Variants in ZNF189 observed in about 807,000 individuals in gnomAD.
ZNF189 encodes zinc finger protein 189.
ZNF189 carries 33 observed loss-of-function variants against 53.5 expected under a neutral mutation model. The ratio of observed to expected loss-of-function variants is 0.62; its 90% CI spans 0.47 to 0.82. The LOEUF (loss-of-function observed/expected upper bound fraction) is 0.82. Among genes scored for constraint, ZNF189 ranks in the 40% least tolerant of loss-of-function variants. ZNF189 has a pLI of 0.00. For synonymous variants in ZNF189, 247 were observed against 238.8 expected (o/e 1.03, Z -0.32); for missense variants, 711 against 753.9 (o/e 0.94, Z 0.67).
intron 2 of ZNF189, among the ~76,000 whole-genome samples, chr9:101,406,807 G>A (rs3739719): frequency 0.29 from 44,364 of 152,024 alleles, 6,970 homozygotes; most frequent in Middle Eastern, 0.37. Flanking sequence ...TGTCCGAAGC[G>A]GGCCTAGATG....
chr9:101,408,943 G>A lies in ZNF189; in HGVS notation c.1175G>A (p.Arg392Lys). 1.2e-6 allele frequency: 2 copies of A among 1,614,020 alleles called. No homozygotes were observed. Among genetic ancestry groups the A allele is most frequent in the Non-Finnish European group, 1.7e-6 (2 of 1,179,988 alleles). ...CTTTGCAACCTTACTCGTCATCAGAGAATTCACACAGGAGACAAGCCCCAT... is the reference window on the plus strand; with the variant it reads ...CTTTGCAACCTTACTCGTCATCAGAAAATTCACACAGGAGACAAGCCCCAT... ...SQLCNLTRHQ[R>K]IHTGDKPHKC... Residue 392 changes from arginine (R) to lysine (K), a missense_variant, in exon 3 of 3, where the codon AGA becomes AAA. Coordinates refer to ENST00000339664, the MANE Select transcript of ZNF189 (RefSeq NM_003452.4).
Position 101,409,598 on chromosome 9 carries a change from C to A in ZNF189, c.1830C>A (p.Cys610Ter), listed in dbSNP as rs770328593. 1.4e-5 allele frequency: 23 copies of A among 1,612,766 alleles called. 1 individual carries two copies. In the Admixed American group the frequency reaches 3.7e-4, roughly 26 times the overall value. The change falls in exon 3 of 3, where the codon TGC becomes TGA. Residue 610 changes from cysteine to a stop codon, truncating the protein, a stop_gained. Transcript: ENST00000339664. LOFTEE classifies it high-confidence loss of function. Reference sequence around the variant, plus strand: ...ACGCTTGTGGTGAAGCCTTTAATTGCCGTATTTCTCTTATTCAGCATCAGA... The same window carrying A: ...ACGCTTGTGGTGAAGCCTTTAATTGACGTATTTCTCTTATTCAGCATCAGA... ...ECDACGEAFN[C>*]RISLIQHQKL...
intron 2 of ZNF189, among the ~76,000 whole-genome samples, chr9:101,406,972 A>G (rs1173513616): frequency 2.0e-5 from 3 of 152,192 alleles, no homozygotes; most frequent in African/African-American, 7.2e-5. Context: ...AATCACATGT[A>G]CTTGAGGTAT....
At chr9:101,406,235 T>A (rs1534828) in intron 2 of ZNF189, among the ~76,000 whole-genome samples, 12,027 of 152,180 alleles carry the variant, frequency 0.079, 539 homozygotes, top group Middle Eastern at 0.16. Flanking sequence ...TAAGATTTTT[T>A]TTCAATGCTT....
rs555522306 is a variant in ZNF189 at position 101,407,685 on chromosome 9, A to G, written c.161-244A>G. ...GCTGGGATTACAGGCATGAGCCACTATGCCTGGCCATTAGCATCTGGTCCC... is the reference window on the plus strand; with the variant it reads ...GCTGGGATTACAGGCATGAGCCACTGTGCCTGGCCATTAGCATCTGGTCCC... On this transcript the variant is annotated intron_variant, in intron 2 of 2. Coordinates refer to ENST00000339664, the MANE Select transcript of ZNF189 (RefSeq NM_003452.4). Among the ~76,000 whole-genome samples, 3 of 152,262 alleles carry G rather than the reference A, an allele frequency of 2.0e-5. No individual in the cohort carries two copies. In the East Asian group the frequency reaches 5.8e-4, roughly 29 times the overall value.
chr9:101,399,085 C>CTCT lies in ZNF189; in HGVS notation c.-72_-71insTCT, dbSNP rs1361134745. 5.7e-6 allele frequency: 6 copies of CTCT among 1,054,108 alleles called. No homozygotes were observed. The African/African-American group carries it at 6.2e-5, about 11-fold the overall frequency. The allele number at this position is 1,054,108 out of a possible 1,614,324, so 65.3% of individuals were successfully genotyped here. A position where few individuals can be genotyped will look rare whatever the true frequency, so the allele number is the denominator to read the frequency against. On this transcript the variant is annotated 5_prime_UTR_variant, in exon 1 of 3. Coordinates refer to ENST00000339664, the MANE Select transcript of ZNF189 (RefSeq NM_003452.4). ...TTCGTCGAGCCTAATTTCCAGCAGC[C>CTCT]GGGTAGGCCTCACCAGAGGCTCCTT...
chr9:101,408,678 G>T lies in ZNF189; in HGVS notation c.910G>T (p.Val304Phe). The change falls in exon 3 of 3, where the codon GTT (valine) becomes TTT (phenylalanine). Residue 304 changes from valine to phenylalanine, a missense_variant. Val to Phe is a conservative substitution (Grantham distance 50, BLOSUM62 -1). Coordinates refer to ENST00000339664, the MANE Select transcript of ZNF189 (RefSeq NM_003452.4). ...GAGCTTTAGTCGAAATTCATTGCTT[G>T]TTGAGCATCAAAGAATTCACACTGG... ...KKSFSRNSLL[V>F]EHQRIHTGER... 1 of 1,611,606 alleles carries T rather than the reference G, an allele frequency of 6.2e-7. No homozygotes were observed. Among genetic ancestry groups the T allele is most frequent in the South Asian group, 1.1e-5 (1 of 90,906 alleles).
At chr9:101,404,324 CCTT>C (rs900637208) in intron 2 of ZNF189, among the ~76,000 whole-genome samples, 20 of 152,120 alleles carry the variant, frequency 1.3e-4, no homozygotes, top group African/African-American at 4.8e-4. Context: ...CACTAGTCTG[CCTT>C]CTTCTAAACT....
Position 101,408,361 on chromosome 9 carries a change from A to G in ZNF189, c.593A>G (p.His198Arg), listed in dbSNP as rs1423964301. Residue 198 changes from histidine to arginine, a missense_variant, in exon 3 of 3, where the codon CAC becomes CGC. By Grantham distance (29) the His-to-Arg change is conservative (BLOSUM62 0). Coordinates refer to ENST00000339664, the MANE Select transcript of ZNF189 (RefSeq NM_003452.4). ...TTTGTTATTGAACATCAGAGAATTC[A>G]CACTGGGGAAAGGCCCTATGAGTGT... ...SSFVIEHQRI[H>R]TGERPYECNY... is the part of the protein sequence containing the mutation. The G allele has an allele frequency of 3.1e-6, 5 of 1,614,062 alleles. No individual in the cohort carries two copies. The African/African-American group carries it at 6.7e-5, about 22-fold the overall frequency.
intron 2 of ZNF189, among the ~76,000 whole-genome samples, chr9:101,404,240 C>T (rs924480953): frequency 1.3e-5 from 2 of 152,272 alleles, no homozygotes; most frequent in African/African-American, 2.4e-5. Context: ...TTGTTTTATT[C>T]GCTTTAACAA....
chr9:101,401,558 A>C (rs1218289184), intron 2 of ZNF189, among the ~76,000 whole-genome samples: 1 of 152,194 alleles, frequency 6.6e-6, no homozygotes. Flanking sequence ...CCCTCCTATG[A>C]GTCAGACTCT....
At chr9:101,400,153 A>G (rs1830480790) in intron 2 of ZNF189, 143 bp downstream of exon 2, 11 of 1,141,688 alleles carry the variant, frequency 9.6e-6, no homozygotes, top group Non-Finnish European at 1.3e-5. Context: ...AATTGTTTCC[A>G]TAACTCTCAT....
chr9:101,405,124 G>C (rs17772308), intron 2 of ZNF189, among the ~76,000 whole-genome samples: 12,041 of 152,272 alleles, frequency 0.079, 542 homozygotes, highest in Middle Eastern at 0.16. Flanking sequence ...GTAGGAACAT[G>C]ACTTGAGGCT....
chr9:101,399,232 A>C, intron 1 of ZNF189, 43 bp downstream of exon 1: 1 of 1,541,194 alleles, frequency 6.5e-7, no homozygotes, highest in Non-Finnish European at 8.9e-7. Flanking sequence ...TCTCGCCGCT[A>C]CCCCAGCTAG....
chr9:101,404,709 A>T (rs934357964), intron 2 of ZNF189, among the ~76,000 whole-genome samples: 1 of 152,192 alleles, frequency 6.6e-6, no homozygotes, highest in Non-Finnish European at 1.5e-5. Context: ...AGTAATGATC[A>T]TTTTGTCTTA....
chr9:101,399,340 G>T lies in ZNF189; in HGVS notation c.33+151G>T, dbSNP rs1830443772. On this transcript the variant is annotated intron_variant, in intron 1 of 2. Transcript: ENST00000339664. ...AGGAACTCCCCACTAGTGCATTGGG[G>T]TGCGGTTCGCGAACAAACTGCCCAC... 5.7e-6 allele frequency: 8 copies of T among 1,394,792 alleles called. No individual in the cohort carries two copies. In the South Asian group the frequency reaches 1.3e-4, roughly 23 times the overall value. The allele number at this position is 1,394,792 out of a possible 1,614,324, so 86.4% of individuals were successfully genotyped here.
intron 2 of ZNF189, among the ~76,000 whole-genome samples, chr9:101,404,976 A>G (rs539480585): frequency 9.2e-4 from 139 of 151,792 alleles, no homozygotes; most frequent in African/African-American, 3.3e-3. Context: ...TTTAAACTTA[A>G]AGATTGCTTT....
chr9:101,407,147 T>C (rs1348090086), intron 2 of ZNF189, among the ~76,000 whole-genome samples: 1 of 152,194 alleles, frequency 6.6e-6, no homozygotes, highest in Non-Finnish European at 1.5e-5. Context: ...CCATTTTGTC[T>C]CTTTATACAG....
At chr9:101,400,462 AG>A (rs953193687) in intron 2 of ZNF189, among the ~76,000 whole-genome samples, 3 of 152,170 alleles carry the variant, frequency 2.0e-5, no homozygotes, top group South Asian at 2.1e-4. Flanking sequence ...CAATGTTGGA[AG>A]GGGGAAGTTA....
Sources: allele counts gnomAD v4.1 joint callset (sites outside exome capture counted in the v4.1 genomes callset), GRCh38; gene constraint gnomAD v4.1.1; transcripts MANE v1.5; gene names NCBI Gene and HGNC (gene_info 2026-07-23, HGNC 2026-07-21).